Variants in KDM5C observed in about 807,000 individuals in gnomAD.
The protein encoded by KDM5C is lysine-specific demethylase 5C.
A neutral mutation model predicts 110.6 loss-of-function variants in KDM5C; 16 were observed. The ratio of observed to expected loss-of-function variants is 0.14; its 90% CI spans 0.10 to 0.22. The LOEUF is 0.22. Among genes scored for constraint, KDM5C ranks in the 10% least tolerant of loss-of-function variants. KDM5C has a pLI of 1.00. For missense variants in KDM5C, 681 were observed against 1,300.9 expected (o/e 0.52, Z 7.33); for synonymous variants, 511 against 520.4 (o/e 0.98, Z 0.24).
intron 8 of KDM5C, among the ~76,000 whole-genome samples, chrX:53,214,032 G>A (rs2073665861): frequency 9.1e-6 from 1 of 109,808 alleles, no homozygotes; most frequent in African/African-American, 3.3e-5. Context: ...TTGGCACACT[G>A]CAACCTCCGC....
intron 25 of KDM5C, among the ~76,000 whole-genome samples, chrX:53,178,358 CAT>C (rs1556824845): frequency 8.9e-6 from 1 of 112,160 alleles, no homozygotes; most frequent in African/African-American, 3.2e-5. Flanking sequence ...AAAGTATACA[CAT>C]GACTGGCCTT....
intron 8 of KDM5C, 26 bp downstream of exon 8, chrX:53,214,663 G>A (rs1556850715): frequency 8.4e-7 from 1 of 1,196,843 alleles, no homozygotes; most frequent in Non-Finnish European, 1.1e-6. Context: ...GCCCTATGAG[G>A]CAGATGTGGA....
chrX:53,185,716 A>G (rs1190260329), intron 25 of KDM5C, among the ~76,000 whole-genome samples: 1 of 111,819 alleles, frequency 8.9e-6, no homozygotes, highest in African/African-American at 3.3e-5. Context: ...GGAGGTTTGT[A>G]TAACAGTGGA....
rs372014319 is a variant in KDM5C at position 53,195,211 on chromosome X, G to A, written c.3300+20C>T. 2 of 1,194,065 alleles carry A rather than the reference G, an allele frequency of 1.7e-6. No individual in the cohort carries two copies. Among genetic ancestry groups the A allele is most frequent in the African/African-American group, 1.7e-5 (1 of 57,561 alleles). The stretch of plus-strand genomic sequence containing the variant: ...GGGCAGGCGTTAAGAGACGCTGTAG[G>A]TCAAGGTCCCAGGCCTCACCTCCAG... On this transcript the variant is annotated intron_variant, in intron 21 of 25. Transcript: ENST00000375401.
chrX:53,220,543 G>A (rs1271432661), intron 2 of KDM5C, among the ~76,000 whole-genome samples: 3 of 112,493 alleles, frequency 2.7e-5, no homozygotes, highest in African/African-American at 6.5e-5. Flanking sequence ...CTCAGCTAGG[G>A]TAGGCTAGTT....
chrX:53,192,725 T>C lies in KDM5C; in HGVS notation c.*242A>G. On this transcript the variant is annotated 3_prime_UTR_variant, in exon 26 of 26. Transcript: ENST00000375401. ...CATCCATCTATCTGCCTCAGGTGTC[T>C]GGGAATGCTGGTTAGAGGCTACCAG... 1 of 1,143,396 alleles carries C rather than the reference T, an allele frequency of 8.7e-7. No individual in the cohort carries two copies. Among genetic ancestry groups the C allele is most frequent in the Non-Finnish European group, 1.2e-6 (1 of 859,365 alleles). 94.2% of individuals were successfully genotyped at this position (1,143,396 alleles called of 1,213,427 possible). A position where few individuals can be genotyped will look rare whatever the true frequency, so the allele number is the denominator to read the frequency against.
intron 12 of KDM5C, among the ~76,000 whole-genome samples, chrX:53,208,755 T>C (rs1437730804): frequency 1.0e-5 from 1 of 98,862 alleles, no homozygotes; most frequent in African/African-American, 3.7e-5. Flanking sequence ...TCCGGCCGCC[T>C]CAGCCTCCCA....
chrX:53,218,237 G>T, intron 3 of KDM5C, 39 bp downstream of exon 3: 1 of 1,209,953 alleles, frequency 8.3e-7, no homozygotes, highest in Non-Finnish European at 1.1e-6. Context: ...GGATATTGGG[G>T]TTTGGTGGGA....
In KDM5C at chrX:53,192,815, T is replaced by C. The variant is rs1556831683; in HGVS notation, c.*152A>G. ...TCTGAACAATACCTTGGAGTCAGAA[T>C]ACAAAAGTCAAGGGACTCAGGGGTG... On this transcript the variant is annotated 3_prime_UTR_variant, in exon 26 of 26. Coordinates refer to ENST00000375401, the MANE Select transcript of KDM5C (RefSeq NM_004187.5). The C allele has an allele frequency of 2.9e-6, 3 of 1,022,888 alleles. No homozygotes were observed. The highest frequency in any genetic ancestry group is 3.8e-5 in the East Asian group (1 of 26,302). 84.3% of individuals were successfully genotyped at this position (1,022,888 alleles called of 1,213,427 possible). A position where few individuals can be genotyped will look rare whatever the true frequency, so the allele number is the denominator to read the frequency against.
chrX:53,202,103 C>T, intron 12 of KDM5C, 130 bp from the exon 13 acceptor site: 1 of 774,087 alleles, frequency 1.3e-6, no homozygotes, highest in Non-Finnish European at 1.9e-6. Flanking sequence ...GAATCCCAGA[C>T]TCTCCAACTC....
intron 1 of KDM5C, among the ~76,000 whole-genome samples, chrX:53,224,332 ATCTT>A (rs1426241628): frequency 8.9e-6 from 1 of 111,992 alleles, no homozygotes; most frequent in African/African-American, 3.3e-5. Flanking sequence ...CAGGACTGCG[ATCTT>A]TCTATTAATA....
intron 5 of KDM5C, 43 bp from the exon 6 acceptor site, chrX:53,216,240 C>T: frequency 8.3e-7 from 1 of 1,203,791 alleles, no homozygotes; most frequent in Non-Finnish European, 1.1e-6. Context: ...CTATCTGGGG[C>T]AGACTGTCCC....
chrX:53,204,730 T>C (rs1556844373), intron 12 of KDM5C, among the ~76,000 whole-genome samples: 1 of 111,680 alleles, frequency 9.0e-6, no homozygotes, highest in Non-Finnish European at 1.9e-5. Flanking sequence ...TCTCCTGACC[T>C]CATGATCCAC....
chrX:53,220,500 G>C (rs1349841017), intron 2 of KDM5C, among the ~76,000 whole-genome samples: 1 of 112,381 alleles, frequency 8.9e-6, no homozygotes, highest in African/African-American at 3.2e-5. Context: ...GGAAGAAGGG[G>C]TATCAGCCAG....
chrX:53,197,105 C>T, intron 18 of KDM5C, 61 bp from the exon 19 acceptor site: 1 of 873,349 alleles, frequency 1.1e-6, no homozygotes, highest in South Asian at 2.1e-5. Flanking sequence ...GGTTCCACCA[C>T]CAGATGGAAC....
chrX:53,179,334 A>T (rs1449359433), intron 25 of KDM5C, among the ~76,000 whole-genome samples: 2 of 112,126 alleles, frequency 1.8e-5, no homozygotes, highest in Non-Finnish European at 3.8e-5. Flanking sequence ...TCCAAAAAAA[A>T]AACAAGACAC....
rs2073528330 is a variant in KDM5C, at chrX:53,210,534, T to C, written c.1626A>G (p.Ala542=). ...TCTTCATCACTTCTTCCAAATGTTC[T>C]GCTGCAAGTGAGGGCACCCCATACC... The part of the protein sequence containing the change: ...KTWYGVPSLA[A]EHLEEVMKKL... Residue 542 remains alanine, a synonymous_variant, in exon 12 of 26, where the codon GCA becomes GCG. Transcript: ENST00000375401. 1 of 1,210,399 alleles carries C rather than the reference T, an allele frequency of 8.3e-7. No homozygotes were observed. Among genetic ancestry groups the C allele is most frequent in the South Asian group, 1.8e-5 (1 of 56,826 alleles).
chrX:53,207,670 C>T (rs781785536), intron 12 of KDM5C, among the ~76,000 whole-genome samples: 11 of 111,776 alleles, frequency 9.8e-5, no homozygotes, highest in South Asian at 3.7e-4. Context: ...AAAATAGGCC[C>T]GGGCGCGGTG....
chrX:53,204,794 C>G (rs1385250589), intron 12 of KDM5C, among the ~76,000 whole-genome samples: 1 of 112,121 alleles, frequency 8.9e-6, no homozygotes, highest in Admixed American at 9.4e-5. Context: ...CTGCACCCGG[C>G]CCTCACAGCT....
Sources: gnomAD v4.1 joint callset for allele counts (sites outside exome capture counted in the v4.1 genomes callset) on GRCh38, gnomAD v4.1.1 for gene constraint, MANE v1.5 for transcripts, NCBI Gene and HGNC (gene_info 2026-07-23, HGNC 2026-07-21) for gene names.